The following STPG4 variants were observed in gnomAD, a reference collection of about 807,000 sequenced individuals.
The protein encoded by STPG4 is protein STPG4.
In STPG4, 41 loss-of-function variants were observed where a neutral mutation model predicts 31.5. The ratio of observed to expected loss-of-function variants is 1.30; its 90% CI spans 1.01 to 1.69. STPG4 has a LOEUF of 1.69. STPG4 is among the 40% of genes most tolerant of loss of function. The probability of loss-of-function intolerance (pLI) is 0.00; values close to 1 mark genes in which losing one functional copy is unlikely to be tolerated. For missense variants in STPG4, 375 were observed against 293.4 expected (o/e 1.28, Z -2.03); for synonymous variants, 141 against 103.0 (o/e 1.37, Z -2.24).
At chr2:47,098,171 G>A (rs1685712822) in intron 5 of STPG4, among the ~76,000 whole-genome samples, 1 of 152,164 alleles carries the variant, frequency 6.6e-6, no homozygotes, top group Non-Finnish European at 1.5e-5. Flanking sequence ...TTTGGGTGCT[G>A]GTCTTCCAGG....
chr2:47,099,962 C>T (rs1685756593), intron 5 of STPG4, among the ~76,000 whole-genome samples: 1 of 152,186 alleles, frequency 6.6e-6, no homozygotes. Flanking sequence ...TCTTAGCTGC[C>T]TTCCCAAGGG....
chr2:47,092,890 T>A (rs1348978189), intron 5 of STPG4, among the ~76,000 whole-genome samples: 1 of 152,000 alleles, frequency 6.6e-6, no homozygotes, highest in Non-Finnish European at 1.5e-5. Flanking sequence ...CCTCCTGGGT[T>A]CAAGCGATTC....
At position 47,117,928 on chromosome 2, in the gene STPG4, A is replaced by T. The variant is rs79482508; in HGVS notation, c.519+12013T>A. ...GAGATAGTACAACATATATATATAT[A>T]TATTTTTTTTTTAATAGAGATGAGG... On this transcript the variant is annotated intron_variant, in intron 5 of 6. Transcript: ENST00000445927. 7.3e-3 allele frequency among the ~76,000 whole-genome samples: 401 copies of T among 54,756 alleles called. 1 individual carries two copies. Among genetic ancestry groups the T allele is most frequent in the Admixed American group, 0.014 (74 of 5,350 alleles). 35.9% of individuals were successfully genotyped at this position (54,756 alleles called of 152,430 possible).
intron 1 of STPG4, 111 bp from the exon 2 acceptor site, chr2:47,153,127 T>G (rs1454811953): frequency 1.6e-6 from 1 of 636,912 alleles, no homozygotes; most frequent in African/African-American, 1.9e-5. Flanking sequence ...CCAACTGATA[T>G]GTCTTCATTA....
chr2:47,131,771 A>G (rs915150352), intron 3 of STPG4, among the ~76,000 whole-genome samples: 4 of 152,206 alleles, frequency 2.6e-5, no homozygotes, highest in African/African-American at 9.6e-5. Flanking sequence ...CCTCACATCT[A>G]ACACTATTTC....
chr2:47,103,228 C>T (rs1685835947), intron 5 of STPG4, among the ~76,000 whole-genome samples: 1 of 151,828 alleles, frequency 6.6e-6, no homozygotes, highest in African/African-American at 2.4e-5. Context: ...CAATGATGTC[C>T]ACCGTAACTC....
intron 5 of STPG4, among the ~76,000 whole-genome samples, chr2:47,122,828 TTTTG>T (rs1182326125): frequency 6.7e-6 from 1 of 148,176 alleles, no homozygotes; most frequent in East Asian, 1.9e-4. Context: ...TTTGTTTTGT[TTTTG>T]TTTTTGTTTT....
At chr2:47,091,618 T>C (rs993638396) in intron 5 of STPG4, among the ~76,000 whole-genome samples, 2 of 152,162 alleles carry the variant, frequency 1.3e-5, no homozygotes, top group African/African-American at 4.8e-5. Flanking sequence ...ATGCAGGAGT[T>C]AGGGGAAGTG....
intron 5 of STPG4, among the ~76,000 whole-genome samples, chr2:47,102,992 GCT>G (rs747527311): frequency 4.6e-5 from 7 of 151,870 alleles, no homozygotes; most frequent in Non-Finnish European, 1.0e-4. Flanking sequence ...AAAGAATGCA[GCT>G]TTAGCTGCAG....
At chr2:47,128,613 A>G (rs1234077577) in intron 5 of STPG4, among the ~76,000 whole-genome samples, 1 of 151,870 alleles carries the variant, frequency 6.6e-6, no homozygotes, top group African/African-American at 2.4e-5. Context: ...GGATACCACT[A>G]ATGTTCACTC....
At chr2:47,145,189 T>G (rs1040055395) in intron 3 of STPG4, among the ~76,000 whole-genome samples, 1 of 152,088 alleles carries the variant, frequency 6.6e-6, no homozygotes, top group African/African-American at 2.4e-5. Flanking sequence ...CACAGCTGAG[T>G]TTAAAGGAAC....
chr2:47,091,936 C>T (rs996659433), intron 5 of STPG4, among the ~76,000 whole-genome samples: 41 of 151,030 alleles, frequency 2.7e-4, no homozygotes, highest in Admixed American at 1.9e-3. Context: ...TAAATTACAA[C>T]GCTTCCATCC....
At chr2:47,092,555 AGGGGAGG>A (rs1336115078) in intron 5 of STPG4, among the ~76,000 whole-genome samples, 15 of 97,882 alleles carry the variant, frequency 1.5e-4, no homozygotes, top group African/African-American at 2.0e-4. Context: ...GGAGAAAGGG[AGGGGAGG>A]GAGAAGGGGA....
chr2:47,090,312 A>G lies in STPG4; in HGVS notation c.582T>C (p.Ser194=). The G allele has an allele frequency of 1.3e-6, 2 of 1,552,014 alleles. No individual in the cohort carries two copies. The highest frequency in any genetic ancestry group is 2.4e-5 in the South Asian group (2 of 84,066). ...ATCGAGGGACTCTGGATTGAAAACA[A>G]GAAGTGACAGAGCTTGTTGGAGGCA... is the stretch of plus-strand genomic sequence containing the variant. ...VKMPPTSSVT[S]CFQSRVPRFL... Residue 194 remains serine, a synonymous_variant, in exon 6 of 7, where the codon TCT becomes TCC. Coordinates refer to ENST00000445927, the MANE Select transcript of STPG4 (RefSeq NM_001163561.2).
At chr2:47,148,800 G>A (rs897955864) in intron 3 of STPG4, among the ~76,000 whole-genome samples, 7 of 152,094 alleles carry the variant, frequency 4.6e-5, no homozygotes, top group South Asian at 4.1e-4. Flanking sequence ...TTGTCCTTGC[G>A]ATAGTTTACT....
chr2:47,116,356 T>A (rs1226016715), intron 5 of STPG4, among the ~76,000 whole-genome samples: 1 of 152,276 alleles, frequency 6.6e-6, no homozygotes, highest in Non-Finnish European at 1.5e-5. Context: ...ACATTCATTG[T>A]TGTAGAGTTT....
chr2:47,096,210 C>A (rs11887906), intron 5 of STPG4, among the ~76,000 whole-genome samples: 1,883 of 152,252 alleles, frequency 0.012, 39 homozygotes, highest in African/African-American at 0.043. Flanking sequence ...ATAAATAAAT[C>A]AATCAATCAC....
intron 5 of STPG4, among the ~76,000 whole-genome samples, chr2:47,106,183 T>C (rs1231326730): frequency 6.6e-6 from 1 of 151,994 alleles, no homozygotes; most frequent in African/African-American, 2.4e-5. Context: ...ATCCCATTCC[T>C]TTAAAAGCCA....
At chr2:47,145,214 A>C (rs1686795385) in intron 3 of STPG4, among the ~76,000 whole-genome samples, 1 of 152,240 alleles carries the variant, frequency 6.6e-6, no homozygotes, top group Non-Finnish European at 1.5e-5. Context: ...GAGCCCTGGA[A>C]GAATCCAGGG....
Sources: allele counts gnomAD v4.1 joint callset (sites outside exome capture counted in the v4.1 genomes callset), GRCh38; gene constraint gnomAD v4.1.1; transcripts MANE v1.5; gene names NCBI Gene and HGNC (gene_info 2026-07-23, HGNC 2026-07-21).